The following GOLGB1 variants were observed in gnomAD, a reference collection of about 807,000 sequenced individuals.
GOLGB1 encodes the protein golgin subfamily B member 1.
A neutral mutation model predicts 336.9 loss-of-function variants in GOLGB1; 174 were observed. The observed-to-expected ratio is 0.52, with a 90% CI of 0.46 to 0.59. The LOEUF (loss-of-function observed/expected upper bound fraction) is 0.59, where lower values mean the gene tolerates loss of function less well. GOLGB1 is among the 20% of genes least tolerant of loss of function. The pLI, the probability that GOLGB1 is intolerant of heterozygous loss-of-function variation, is 0.00. For missense variants in GOLGB1, 3,331 were observed against 3,645.3 expected (o/e 0.91, Z 2.22); for synonymous variants, 1,208 against 1,289.2 (o/e 0.94, Z 1.35).
chr3:121,683,096 C>T (rs1941290688), intron 14 of GOLGB1, among the ~76,000 whole-genome samples: 1 of 82,604 alleles, frequency 1.2e-5, no homozygotes, highest in African/African-American at 4.3e-5. Context: ...GAGACGGAGT[C>T]TCAGTATGTT....
chr3:121,715,974 A>T (rs1944736859), intron 9 of GOLGB1, among the ~76,000 whole-genome samples: 1 of 147,208 alleles, frequency 6.8e-6, no homozygotes. Flanking sequence ...CCTGGGCAAC[A>T]AGAGTGAAAC....
chr3:121,711,511 C>T (rs979504719), intron 10 of GOLGB1, among the ~76,000 whole-genome samples: 14 of 152,032 alleles, frequency 9.2e-5, no homozygotes, highest in Non-Finnish European at 1.9e-4. Context: ...AAACAGTGTA[C>T]TGGAGGCATA....
chr3:121,740,995 G>GA (rs1045697470), intron 1 of GOLGB1, among the ~76,000 whole-genome samples: 4 of 143,454 alleles, frequency 2.8e-5, no homozygotes, highest in East Asian at 2.0e-4. Flanking sequence ...GTAAGATAAA[G>GA]AAAAAAAAGC....
intron 10 of GOLGB1, among the ~76,000 whole-genome samples, chr3:121,713,706 G>A (rs1944531532): frequency 6.6e-6 from 1 of 152,054 alleles, no homozygotes; most frequent in Non-Finnish European, 1.5e-5. Context: ...TAACACAGGT[G>A]TATGCATTTG....
chr3:121,747,150 TTATATATATATATATATATA>T (rs548032779), intron 1 of GOLGB1, among the ~76,000 whole-genome samples: 88 of 49,584 alleles, frequency 1.8e-3, no homozygotes, highest in Middle Eastern at 0.038. Flanking sequence ...TACATGGATG[TTATATATATATATATATATA>T]TATATATATA....
rs1942937492 is a variant in GOLGB1 at position 121,696,282 on chromosome 3, C to T, written c.4241G>A (p.Ser1414Asn). ...KLISKKEEDV[S>N]YLSGQLSEKE... The stretch of plus-strand genomic sequence containing the variant: ...CTCACTAAGTTGTCCAGAAAGGTAG[C>T]TAACGTCTTCTTCCTTTTTGCTTAT... Residue 1414 changes from serine to asparagine, a missense_variant, in exon 13 of 22, where the codon AGC (serine) becomes AAC (asparagine). Transcript: ENST00000614479. The T allele has an allele frequency of 6.2e-7, 1 of 1,613,908 alleles. No individual in the cohort carries two copies. Among genetic ancestry groups the T allele is most frequent in the African/African-American group, 1.3e-5 (1 of 74,878 alleles).
At chr3:121,667,733 A>T in intron 19 of GOLGB1, 123 bp from the exon 20 acceptor site, 1 of 822,944 alleles carries the variant, frequency 1.2e-6, no homozygotes, top group Non-Finnish European at 1.9e-6. Context: ...TCTAAACACA[A>T]TATTTTAAAA....
chr3:121,702,238 A>C lies in GOLGB1; in HGVS notation c.1519+243T>G, dbSNP rs185456608. On this transcript the variant is annotated intron_variant, in intron 11 of 21. Coordinates refer to ENST00000614479, the MANE Select transcript of GOLGB1 (RefSeq NM_001366282.2). ...ATACGATGACCATTCCAAAATGATT[A>C]TGAGTTATAAAGAAATCCTGCAGCA... 1.3e-5 allele frequency among the ~76,000 whole-genome samples: 2 copies of C among 152,298 alleles called. 1 individual carries two copies. The highest frequency in any genetic ancestry group is 3.9e-4 in the East Asian group (2 of 5,188).
intron 14 of GOLGB1, among the ~76,000 whole-genome samples, chr3:121,689,905 T>A (rs1439693850): frequency 6.6e-6 from 1 of 152,226 alleles, no homozygotes; most frequent in Non-Finnish European, 1.5e-5. Context: ...GGAGGACTGC[T>A]TGAGCCTAGG....
At chr3:121,668,769 C>T (rs900818856) in intron 18 of GOLGB1, among the ~76,000 whole-genome samples, 1 of 151,928 alleles carries the variant, frequency 6.6e-6, no homozygotes, top group Non-Finnish European at 1.5e-5. Context: ...TCCAGCCCCT[C>T]CCAACCCCCT....
At chr3:121,689,146 G>A (rs1234382970) in intron 14 of GOLGB1, among the ~76,000 whole-genome samples, 4 of 152,268 alleles carry the variant, frequency 2.6e-5, no homozygotes, top group Admixed American at 2.0e-4. Context: ...CCGTCTGGGA[G>A]GTGTACCCAG....
rs1214926571 is a variant in GOLGB1, at chr3:121,696,587, A to T, written c.3936T>A (p.Ile1312=). 2.5e-6 allele frequency: 4 copies of T among 1,614,120 alleles called. No homozygotes were observed. In the South Asian group the frequency reaches 4.4e-5, roughly 18 times the overall value. ...CCTCTATTTCCTTCAGCTGGGCCTT[A>T]ATCTGGGCAACAGAAGTTCCGCCCT... is the stretch of plus-strand genomic sequence containing the variant. ...ALQGGTSVAQ[I]KAQLKEIEAE... is the part of the protein sequence containing the mutation. Residue 1312 remains isoleucine, a synonymous_variant, in exon 13 of 22, where the codon ATT becomes ATA. Transcript: ENST00000614479.
In GOLGB1 at chr3:121,692,317, C is replaced by T. The variant is rs570833305; in HGVS notation, c.7047G>A (p.Gln2349=). 5.0e-6 allele frequency: 8 copies of T among 1,611,052 alleles called. No individual in the cohort carries two copies. The East Asian group carries it at 1.8e-4, about 36-fold the overall frequency. ...TAGAATTTTGAATATCAGCCTCTTG[C>T]TGCCTTATGATCCCTTCCAAGTTTC... The part of the protein sequence containing the change: ...QKGNLEGIIR[Q]QEADIQNSKF... Residue 2349 remains glutamine (Q), a synonymous_variant, in exon 14 of 22, where the codon CAG becomes CAA. Transcript: ENST00000614479.
chr3:121,712,950 T>C (rs1396180783), intron 10 of GOLGB1, among the ~76,000 whole-genome samples: 1 of 151,914 alleles, frequency 6.6e-6, no homozygotes, highest in East Asian at 1.9e-4. Flanking sequence ...GATCACGAGG[T>C]CAGGAGTTTG....
chr3:121,709,391 G>T (rs1199193144), intron 10 of GOLGB1, among the ~76,000 whole-genome samples: 1 of 152,042 alleles, frequency 6.6e-6, no homozygotes, highest in African/African-American at 2.4e-5. Context: ...AAGTGTACAA[G>T]GTATGTTCAC....
At chr3:121,679,572 A>G (rs1196475772) in intron 15 of GOLGB1, among the ~76,000 whole-genome samples, 1 of 152,178 alleles carries the variant, frequency 6.6e-6, no homozygotes, top group Non-Finnish European at 1.5e-5. Context: ...AGAGCCATTA[A>G]TGATACTAAC....
In GOLGB1 at chr3:121,698,640, G is replaced by A; in HGVS notation, c.1883C>T (p.Pro628Leu). The A allele has an allele frequency of 6.2e-7, 1 of 1,613,680 alleles. No individual in the cohort carries two copies. The highest frequency in any genetic ancestry group is 8.5e-7 in the Non-Finnish European group (1 of 1,179,752). Residue 628 changes from proline to leucine, a missense_variant, in exon 13 of 22, where the codon CCC becomes CTC. Physicochemically the swap from Pro to Leu is moderately conservative, Grantham distance 98 (BLOSUM62 -3). Coordinates refer to ENST00000614479, the MANE Select transcript of GOLGB1 (RefSeq NM_001366282.2). ...ACTGCTCTCTTCATTTGGCATTAAG[G>A]GAAAATCTTGCCCTGTATCTTCAAG... ...VFLEDTGQDF[P>L]LMPNEESSLP... is the part of the protein sequence containing the mutation.
Position 121,698,369 on chromosome 3 carries a change from C to CGAA in GOLGB1, c.2153_2154insTTC (p.Glu718delinsAspSer), listed in dbSNP as rs752425413. 7 of 1,613,614 alleles carry CGAA rather than the reference C, an allele frequency of 4.3e-6. No individual in the cohort carries two copies. The African/African-American group carries it at 9.4e-5, about 22-fold the overall frequency. On this transcript the variant is annotated protein_altering_variant, in exon 13 of 22. Transcript: ENST00000614479. ...TTAGGTTGCTAATTTCCTTAGCTTT[C>CGAA]TCATCTAAATTTTTCTCATAGATTT...
chr3:121,665,959 T>C (rs1938553297), intron 20 of GOLGB1, among the ~76,000 whole-genome samples: 1 of 152,228 alleles, frequency 6.6e-6, no homozygotes, highest in African/African-American at 2.4e-5. Flanking sequence ...GCTTCCCTCC[T>C]GAGAGCCAGG....
Sources: allele counts gnomAD v4.1 joint callset (sites outside exome capture counted in the v4.1 genomes callset), GRCh38; gene constraint gnomAD v4.1.1; transcripts MANE v1.5; gene names NCBI Gene and HGNC (gene_info 2026-07-23, HGNC 2026-07-21).